The following RIMS1 variants were observed in gnomAD, a reference collection of about 807,000 sequenced individuals.
The protein encoded by RIMS1 is regulating synaptic membrane exocytosis 1, also known as regulating synaptic membrane exocytosis protein 1.
Under a neutral mutation model 214.1 loss-of-function variants are expected in RIMS1, and 83 were observed. The ratio of observed to expected loss-of-function variants is 0.39; its 90% CI spans 0.32 to 0.47. RIMS1 has a LOEUF of 0.47. RIMS1 is among the 20% of genes least tolerant of loss of function. RIMS1 has a pLI of 0.99. For missense variants in RIMS1, 2,050 were observed against 2,161.8 expected, an observed-to-expected ratio of 0.95 and a Z score of 1.03; for synonymous variants, 793 against 786.8, an observed-to-expected ratio of 1.01 and a Z score of -0.13.
chr6:72,288,766 C>T (rs945105016), intron 24 of RIMS1, among the ~76,000 whole-genome samples: 2 of 152,132 alleles, frequency 1.3e-5, no homozygotes, highest in African/African-American at 4.8e-5. Flanking sequence ...TACCACATTC[C>T]TTTCTTCCTC....
At chr6:72,259,226 C>A in intron 18 of RIMS1, 115 bp downstream of exon 18, 1 of 764,548 alleles carries the variant, frequency 1.3e-6, no homozygotes, top group Non-Finnish European at 2.0e-6. Context: ...CAAAAATGAG[C>A]TGCTCTCAAG....
At chr6:72,041,952 G>A (rs1237038924) in intron 2 of RIMS1, among the ~76,000 whole-genome samples, 2 of 151,782 alleles carry the variant, frequency 1.3e-5, no homozygotes, top group East Asian at 1.9e-4. Context: ...CTGACCTAAC[G>A]CCAGACTCCA....
chr6:72,009,632 G>A (rs1318559056), intron 2 of RIMS1, among the ~76,000 whole-genome samples: 1 of 148,466 alleles, frequency 6.7e-6, no homozygotes, highest in Non-Finnish European at 1.5e-5. Flanking sequence ...ATAAAAAAAT[G>A]ATAAAGGGGA....
chr6:71,916,724 A>G (rs1228430969), intron 1 of RIMS1, among the ~76,000 whole-genome samples: 1 of 152,190 alleles, frequency 6.6e-6, no homozygotes, highest in Non-Finnish European at 1.5e-5. Context: ...AGTAAATTTT[A>G]TCTTAAAGAC....
intron 6 of RIMS1, among the ~76,000 whole-genome samples, chr6:72,227,419 T>C (rs1183440592): frequency 2.8e-4 from 2 of 7,134 alleles, no homozygotes; most frequent in Non-Finnish European, 5.1e-4. Flanking sequence ...GAAAGAGGGG[T>C]TCTATGAGAG....
At chr6:72,065,531 CAAGGACA>C (rs1389528407) in intron 2 of RIMS1, among the ~76,000 whole-genome samples, 16 of 151,850 alleles carry the variant, frequency 1.1e-4, no homozygotes, top group Admixed American at 7.9e-4. Context: ...AAAAAGAGAC[CAAGGACA>C]CTTGGAATTC....
intron 28 of RIMS1, among the ~76,000 whole-genome samples, chr6:72,324,312 G>A (rs13362814): frequency 0.014 from 2,104 of 152,006 alleles, 56 homozygotes; most frequent in African/African-American, 0.049. Flanking sequence ...ATGGAAGTAA[G>A]TTATTGTACA....
intron 33 of RIMS1, 32 bp downstream of exon 33, chr6:72,399,126 G>C: frequency 6.5e-7 from 1 of 1,547,500 alleles, no homozygotes; most frequent in Non-Finnish European, 8.7e-7. Flanking sequence ...TTTTTACATT[G>C]AAATGTCTGT....
chr6:72,056,204 T>C (rs892252338), intron 2 of RIMS1, among the ~76,000 whole-genome samples: 4 of 152,104 alleles, frequency 2.6e-5, no homozygotes, highest in African/African-American at 9.7e-5. Flanking sequence ...AAGTGGGAGT[T>C]AAACACTGAG....
At chr6:72,083,589 TC>T (rs1282310301) in intron 2 of RIMS1, among the ~76,000 whole-genome samples, 16 of 152,170 alleles carry the variant, frequency 1.1e-4, no homozygotes, top group Admixed American at 7.9e-4. Flanking sequence ...CATCACTGCC[TC>T]CCAAAGTTAT....
At chr6:71,888,249 G>T (rs1768448141) in intron 1 of RIMS1, among the ~76,000 whole-genome samples, 1 of 152,170 alleles carries the variant, frequency 6.6e-6, no homozygotes, top group South Asian at 2.1e-4. Context: ...CCTTTTCTTG[G>T]GAAGTCTTCA....
intron 1 of RIMS1, among the ~76,000 whole-genome samples, chr6:71,911,889 T>A (rs192187167): frequency 1.3e-4 from 20 of 152,270 alleles, no homozygotes. Context: ...TTTCTTAAAT[T>A]TGACCTCCCT....
At chr6:72,178,233 A>G (rs1420407256) in intron 4 of RIMS1, among the ~76,000 whole-genome samples, 3 of 152,170 alleles carry the variant, frequency 2.0e-5, no homozygotes, top group African/African-American at 7.2e-5. Flanking sequence ...TCTTTCCTGG[A>G]AAGCAGTTCT....
At chr6:72,000,438 T>A (rs1190197906) in intron 2 of RIMS1, among the ~76,000 whole-genome samples, 1 of 152,202 alleles carries the variant, frequency 6.6e-6, no homozygotes, top group Non-Finnish European at 1.5e-5. Context: ...TGAGACTTAG[T>A]GTAATGATTG....
chr6:72,068,696 G>A (rs1829884333), intron 2 of RIMS1, among the ~76,000 whole-genome samples: 2 of 152,120 alleles, frequency 1.3e-5, no homozygotes, highest in African/African-American at 4.8e-5. Context: ...GACTGAGGCG[G>A]GCGGATCACG....
At chr6:72,386,594 C>A (rs1159948884) in intron 29 of RIMS1, among the ~76,000 whole-genome samples, 1 of 152,068 alleles carries the variant, frequency 6.6e-6, no homozygotes, top group Non-Finnish European at 1.5e-5. Context: ...GTCGTCACTT[C>A]CCCCTGCCCT....
At chr6:72,323,817 C>T (rs1318001927) in intron 28 of RIMS1, among the ~76,000 whole-genome samples, 1 of 151,674 alleles carries the variant, frequency 6.6e-6, no homozygotes, top group Admixed American at 6.6e-5. Flanking sequence ...TTAAAAGAAT[C>T]TCAGGGGAAA....
At chr6:71,992,444 T>TTCTTTCTTTCTTTC (rs1562050765) in intron 2 of RIMS1, among the ~76,000 whole-genome samples, 1 of 146,448 alleles carries the variant, frequency 6.8e-6, no homozygotes, top group African/African-American at 2.6e-5. Context: ...CTTTCTTTCT[T>TTCTTTCTTTCTTTC]TCTTTCTCTT....
chr6:72,368,365 A>G (rs1410869134), intron 29 of RIMS1, among the ~76,000 whole-genome samples: 1 of 136,494 alleles, frequency 7.3e-6, no homozygotes, highest in African/African-American at 2.8e-5. Context: ...GCAGTGGCGC[A>G]ATCTCGGCTC....
Sources: gnomAD v4.1 joint callset for allele counts (sites outside exome capture counted in the v4.1 genomes callset) on GRCh38, gnomAD v4.1.1 for gene constraint, MANE v1.5 for transcripts, NCBI Gene and HGNC (gene_info 2026-07-23, HGNC 2026-07-21) for gene names.